UMAD1: variants seen among roughly 807,000 people sequenced by gnomAD.
UMAD1 encodes UBAP1-MVB12-associated (UMA)-domain containing protein 1.
Under a neutral mutation model 6.1 loss-of-function variants are expected in UMAD1, and 8 were observed. The observed-to-expected ratio is 1.30, with a 90% CI of 0.76 to 2.35. The LOEUF (loss-of-function observed/expected upper bound fraction) is 2.35, where lower values mean the gene tolerates loss of function less well. UMAD1 is among the 30% of genes most tolerant of loss of function. The pLI is 0.00. For missense variants in UMAD1, 130 were observed against 78.4 expected (o/e 1.66, Z -2.49); for synonymous variants, 56 against 31.4 (o/e 1.78, Z -2.61).
At chr7:7,876,036 G>C (rs946045187) in intron 3 of UMAD1, among the ~76,000 whole-genome samples, 1 of 152,218 alleles carries the variant, frequency 6.6e-6, no homozygotes, top group Non-Finnish European at 1.5e-5. Context: ...CTGGGTGACA[G>C]AGCGAGACTC....
intron 3 of UMAD1, among the ~76,000 whole-genome samples, chr7:7,858,056 T>C (rs543863179): frequency 4.3e-4 from 66 of 152,316 alleles, no homozygotes; most frequent in African/African-American, 1.5e-3. Flanking sequence ...ACTTCAGTAT[T>C]CCCCATCTGT....
At chr7:7,723,867 C>T (rs13247522) in intron 2 of UMAD1, among the ~76,000 whole-genome samples, 9,516 of 144,080 alleles carry the variant, frequency 0.066, 380 homozygotes, top group East Asian at 0.12. Context: ...TAATTAATCA[C>T]GGTGTTCCTA....
chr7:7,761,826 C>T (rs1262438577), intron 2 of UMAD1, among the ~76,000 whole-genome samples: 1 of 152,156 alleles, frequency 6.6e-6, no homozygotes, highest in East Asian at 1.9e-4. Context: ...TTGACCAGTT[C>T]CTCTTTTGTA....
At chr7:7,853,350 A>C (rs974379997) in intron 3 of UMAD1, among the ~76,000 whole-genome samples, 1 of 152,156 alleles carries the variant, frequency 6.6e-6, no homozygotes, top group African/African-American at 2.4e-5. Context: ...TTTTACAATG[A>C]AATCAGTTGG....
intron 2 of UMAD1, among the ~76,000 whole-genome samples, chr7:7,712,930 G>T (rs867938771): frequency 1.3e-5 from 2 of 152,092 alleles, no homozygotes; most frequent in African/African-American, 2.4e-5. Context: ...AATTATCTTG[G>T]CCTCGTGTTT....
At chr7:7,800,770 C>T (rs1173708074) in intron 2 of UMAD1, among the ~76,000 whole-genome samples, 1 of 152,176 alleles carries the variant, frequency 6.6e-6, no homozygotes, top group Non-Finnish European at 1.5e-5. Context: ...TATCTCCAGT[C>T]AAGACTCATG....
chr7:7,853,689 C>T (rs550897103), intron 3 of UMAD1, among the ~76,000 whole-genome samples: 1 of 151,878 alleles, frequency 6.6e-6, no homozygotes, highest in East Asian at 1.9e-4. Flanking sequence ...TTATTTGTTC[C>T]AATAGTATTT....
At chr7:7,647,671 G>A (rs1288912688) in intron 1 of UMAD1, among the ~76,000 whole-genome samples, 2 of 152,206 alleles carry the variant, frequency 1.3e-5, no homozygotes, top group Non-Finnish European at 2.9e-5. Context: ...GCAGTGGCGT[G>A]ATTGTGGTGC....
chr7:7,722,215 A>G (rs1781063963), intron 2 of UMAD1, among the ~76,000 whole-genome samples: 1 of 150,332 alleles, frequency 6.7e-6, no homozygotes, highest in East Asian at 1.9e-4. Context: ...ATATAGATAT[A>G]TACTATTAGT....
rs1783445625 is a variant in UMAD1 at position 7,830,608 on chromosome 7, G to A, written c.156+28865G>A. Among the ~76,000 whole-genome samples, 1 of 152,052 alleles carries A rather than the reference G, an allele frequency of 6.6e-6. No individual in the cohort carries two copies. On this transcript the variant is annotated intron_variant, in intron 3 of 3. Coordinates refer to ENST00000682710, the MANE Select transcript of UMAD1 (RefSeq NM_001302348.2). This position sits in a 1 kb window ranked among gnomAD's most constrained non-coding sequence, Gnocchi z 5.3. ...AAAGTGTGGAAACCACAGTCATACT[G>A]ATTCTTACCTTCAGCATGTTTTGGT...
chr7:7,811,895 T>TAGTC (rs1554331756), intron 3 of UMAD1, among the ~76,000 whole-genome samples: 2 of 151,846 alleles, frequency 1.3e-5, no homozygotes, highest in African/African-American at 4.8e-5. Context: ...CAATTAAAAA[T>TAGTC]ACGTTGTTAT....
intron 3 of UMAD1, among the ~76,000 whole-genome samples, chr7:7,840,756 T>G (rs542448850): frequency 6.6e-6 from 1 of 152,336 alleles, no homozygotes; most frequent in African/African-American, 2.4e-5. Context: ...TCAAAGGTTC[T>G]TCACAGAAGG....
intron 2 of UMAD1, among the ~76,000 whole-genome samples, chr7:7,717,316 C>G (rs112154783): frequency 0.054 from 8,240 of 152,210 alleles, 263 homozygotes; most frequent in Middle Eastern, 0.12. Context: ...CTCAGCATCC[C>G]AAAGTGCTGG....
intron 3 of UMAD1, among the ~76,000 whole-genome samples, chr7:7,827,037 C>T (rs1190925085): frequency 6.6e-6 from 1 of 151,322 alleles, no homozygotes; most frequent in Non-Finnish European, 1.5e-5. Context: ...ATAGTATGCC[C>T]CATTTGCATA....
At chr7:7,792,972 G>A (rs990212116) in intron 2 of UMAD1, among the ~76,000 whole-genome samples, 1 of 152,040 alleles carries the variant, frequency 6.6e-6, no homozygotes, top group Non-Finnish European at 1.5e-5. Context: ...CCTCCCAAAG[G>A]CTCCACCTCT....
At chr7:7,760,440 AATAATAATAATAATT>A (rs1315454233) in intron 2 of UMAD1, among the ~76,000 whole-genome samples, 1 of 146,710 alleles carries the variant, frequency 6.8e-6, no homozygotes, top group Non-Finnish European at 1.5e-5. Flanking sequence ...TAATAATAAT[AATAATAATAATAATT>A]GTCTTGAGTT....
In UMAD1 at chr7:7,778,223, GTT is replaced by G. The variant is rs1220550699; in HGVS notation, c.83-23444_83-23443del. Among the ~76,000 whole-genome samples the G allele has an allele frequency of 2.2e-3, 277 of 123,536 alleles. 2 individuals carry two copies. In the East Asian group the frequency reaches 0.034, roughly 15 times the overall value. The allele number at this position is 123,536 out of a possible 152,430, so 81.0% of individuals were successfully genotyped here. A position where few individuals can be genotyped will look rare whatever the true frequency, so the allele number is the denominator to read the frequency against. On this transcript the variant is annotated intron_variant, in intron 2 of 3. Coordinates refer to ENST00000682710, the MANE Select transcript of UMAD1 (RefSeq NM_001302348.2). ...CGTCATCTTGGCTTCTCCAAAACTG[GTT>G]TTGTGTGTGTGTGTGTGTGTGTGTG...
At chr7:7,646,380 T>C (rs1450987339) in intron 1 of UMAD1, among the ~76,000 whole-genome samples, 2 of 151,804 alleles carry the variant, frequency 1.3e-5, no homozygotes, top group South Asian at 2.1e-4. Context: ...CGATGAGAGA[T>C]AACTGAATCA....
chr7:7,704,941 C>G (rs1230677848), intron 2 of UMAD1, among the ~76,000 whole-genome samples: 1 of 152,010 alleles, frequency 6.6e-6, no homozygotes, highest in African/African-American at 2.4e-5. Context: ...TATTCATCAT[C>G]TGAATGAAAA....
Sources: gnomAD v4.1 joint callset for allele counts (sites outside exome capture counted in the v4.1 genomes callset) on GRCh38, gnomAD v4.1.1 for gene constraint, Gnocchi (gnomAD v3.1) non-coding constraint, MANE v1.5 for transcripts, NCBI Gene and HGNC (gene_info 2026-07-23, HGNC 2026-07-21) for gene names.